Variants in PCDHGB4 observed in about 807,000 individuals in gnomAD.
PCDHGB4 encodes the protein protocadherin gamma-B4.
A neutral mutation model predicts 60.5 loss-of-function variants in PCDHGB4; 38 were observed. The observed-to-expected ratio is 0.63, with a 90% CI of 0.48 to 0.82. The LOEUF (loss-of-function observed/expected upper bound fraction) is 0.82, where lower values mean the gene tolerates loss of function less well. PCDHGB4 is among the 40% of genes least tolerant of loss of function. The pLI is 0.00. For missense variants in PCDHGB4, 1,109 were observed against 1,209.6 expected (o/e 0.92, Z 1.23); for synonymous variants, 456 against 509.7 (o/e 0.89, Z 1.42).
At chr5:141,417,626 T>A (rs1156653216) in intron 1 of PCDHGB4, 3 of 689,458 alleles carry the variant, frequency 4.4e-6, no homozygotes, top group Non-Finnish European at 6.8e-6. Context: ...GAGCAAGCGC[T>A]GACGCCGGGG....
chr5:141,400,743 C>G (rs1404866842), intron 1 of PCDHGB4: 1 of 611,332 alleles, frequency 1.6e-6, no homozygotes, highest in Non-Finnish European at 2.8e-6. Flanking sequence ...AGAGTTTGCT[C>G]TTAGCTTCCT....
chr5:141,427,712 C>T, intron 1 of PCDHGB4: 2 of 1,051,468 alleles, frequency 1.9e-6, no homozygotes, highest in African/African-American at 1.6e-5. Context: ...GCGCCTCTGA[C>T]CTGGACCTAG....
intron 1 of PCDHGB4, among the ~76,000 whole-genome samples, chr5:141,469,004 C>T (rs570896326): frequency 3.3e-5 from 5 of 151,802 alleles, no homozygotes; most frequent in Admixed American, 2.0e-4. Flanking sequence ...TTGCTGGGTG[C>T]GGTGGGTCAC....
chr5:141,472,339 A>T (rs1330302365), intron 1 of PCDHGB4, among the ~76,000 whole-genome samples: 1 of 151,906 alleles, frequency 6.6e-6, no homozygotes, highest in Non-Finnish European at 1.5e-5. Flanking sequence ...TGGGAGATCG[A>T]GACCATCCTG....
chr5:141,409,220 G>A (rs1327857530), intron 1 of PCDHGB4: 1 of 1,613,988 alleles, frequency 6.2e-7, no homozygotes, highest in Non-Finnish European at 8.5e-7. Context: ...AATCCTTGAT[G>A]AAAACGACAA....
At chr5:141,402,947 G>A in intron 1 of PCDHGB4, 1 of 1,592,724 alleles carries the variant, frequency 6.3e-7, no homozygotes, top group South Asian at 1.1e-5. Flanking sequence ...CCAAAGCGAG[G>A]CAGCAATGGC....
rs192411178 is a variant in PCDHGB4, at chr5:141,397,840, C to A, written c.2397+7559C>A. ...AATTACTGCACTGGTTAACTTGAAG[C>A]CGCAGAGGCTGTAGTTTCCTAGTGC... On this transcript the variant is annotated intron_variant, in intron 1 of 3. Transcript: ENST00000519479. 268 of 517,094 alleles carry A rather than the reference C, an allele frequency of 5.2e-4. 2 individuals carry two copies. Among genetic ancestry groups the A allele is most frequent in the African/African-American group, 4.6e-3 (241 of 51,950 alleles). The allele number at this position is 517,094 out of a possible 1,614,324, so 32.0% of individuals were successfully genotyped here. A position where few individuals can be genotyped will look rare whatever the true frequency, so the allele number is the denominator to read the frequency against.
chr5:141,505,803 C>A (rs920849273), intron 3 of PCDHGB4, among the ~76,000 whole-genome samples: 2 of 152,234 alleles, frequency 1.3e-5, no homozygotes, highest in African/African-American at 4.8e-5. Flanking sequence ...GGACTTGGAT[C>A]GACTTGCTCA....
In PCDHGB4 at chr5:141,486,936, A is replaced by G; in HGVS notation, c.2398-7871A>G. 2 of 1,614,184 alleles carry G rather than the reference A, an allele frequency of 1.2e-6. No individual in the cohort carries two copies. Among genetic ancestry groups the G allele is most frequent in the Non-Finnish European group, 1.7e-6 (2 of 1,180,030 alleles). On this transcript the variant is annotated intron_variant, in intron 1 of 3. Transcript: ENST00000519479. This position sits in a 1 kb window ranked among gnomAD's most constrained non-coding sequence, Gnocchi z 5.0. ...CTGCCTCCATCAGTTGGTGCTGGCC[A>G]CCTAATCACAAAGGTGACTGCTGTG...
At chr5:141,423,256 G>A (rs751894091) in intron 1 of PCDHGB4, 3 of 1,613,816 alleles carry the variant, frequency 1.9e-6, no homozygotes, top group South Asian at 2.2e-5. Context: ...GGCGGACCTC[G>A]GCAGCCTCGA....
intron 1 of PCDHGB4, chr5:141,394,857 G>A: frequency 6.2e-7 from 1 of 1,613,832 alleles, no homozygotes; most frequent in Non-Finnish European, 8.5e-7. Context: ...GAAGCCTTCG[G>A]TCGACCCGAA....
chr5:141,413,371 C>T lies in PCDHGB4; in HGVS notation c.2397+23090C>T, dbSNP rs752898022. 3.7e-6 allele frequency: 6 copies of T among 1,613,966 alleles called. No individual in the cohort carries two copies. In the Admixed American group the frequency reaches 8.3e-5, roughly 22 times the overall value. On this transcript the variant is annotated intron_variant, in intron 1 of 3. Coordinates refer to ENST00000519479, the MANE Select transcript of PCDHGB4 (RefSeq NM_003736.4). ...TCTGGCGCCCCGGGAGCTGGCGGAG[C>T]GCGGAGTCCGCATAGTCTCCAGAGG...
At chr5:141,407,930 C>T (rs2095001418) in intron 1 of PCDHGB4, 2 of 498,880 alleles carry the variant, frequency 4.0e-6, no homozygotes, top group Non-Finnish European at 6.9e-6. Flanking sequence ...CGCACGGAGC[C>T]TCTGGGCGCC....
chr5:141,441,102 C>A (rs1057297804), intron 1 of PCDHGB4: 2 of 152,148 alleles, frequency 1.3e-5, no homozygotes, highest in Non-Finnish European at 2.9e-5. Flanking sequence ...GAGAGGGACT[C>A]ATTGTCCAGT....
chr5:141,419,334 T>C (rs1260087339), intron 1 of PCDHGB4: 3 of 1,613,870 alleles, frequency 1.9e-6, no homozygotes, highest in Non-Finnish European at 8.5e-7. Flanking sequence ...TACTCTCTCA[T>C]TGCCAGCGAC....
chr5:141,466,669 C>T lies in PCDHGB4; in HGVS notation c.2398-28138C>T, dbSNP rs529252130. The stretch of plus-strand genomic sequence containing the variant: ...TTTCACAAAACATCAGTGATTTCAC[C>T]GTTCTTCCACTCAAGCTTCATCATA... On this transcript the variant is annotated intron_variant, in intron 1 of 3. Transcript: ENST00000519479. Among the ~76,000 whole-genome samples the T allele has an allele frequency of 8.5e-5, 13 of 152,278 alleles. No homozygotes were observed. The East Asian group carries it at 9.6e-4, about 11-fold the overall frequency.
chr5:141,408,105 G>A (rs566753835), intron 1 of PCDHGB4: 22 of 1,439,788 alleles, frequency 1.5e-5, no homozygotes, highest in Admixed American at 8.2e-5. Context: ...TCCGAGACCC[G>A]GGACTCCTCC....
At chr5:141,506,432 C>A (rs2099853359) in intron 3 of PCDHGB4, among the ~76,000 whole-genome samples, 1 of 132,482 alleles carries the variant, frequency 7.5e-6, no homozygotes, top group Non-Finnish European at 1.6e-5. Context: ...GGGCAACAGT[C>A]TCGCTCTGTC....
intron 1 of PCDHGB4, among the ~76,000 whole-genome samples, chr5:141,471,071 C>T (rs1208702673): frequency 7.7e-6 from 1 of 129,696 alleles, no homozygotes; most frequent in Non-Finnish European, 1.6e-5. Context: ...TTTTTTGAGA[C>T]AGGGTCTCCC....
Sources: allele counts gnomAD v4.1 joint callset (sites outside exome capture counted in the v4.1 genomes callset), GRCh38; gene constraint gnomAD v4.1.1; non-coding constraint Gnocchi (gnomAD v3.1); transcripts MANE v1.5; gene names NCBI Gene and HGNC (gene_info 2026-07-23, HGNC 2026-07-21).